Variants in CENPU observed in about 807,000 individuals in gnomAD.
CENPU encodes centromere protein U.
A neutral mutation model predicts 56.7 loss-of-function variants in CENPU; 46 were observed. The ratio of observed to expected loss-of-function variants is 0.81; its 90% confidence interval spans 0.64 to 1.04. The LOEUF (loss-of-function observed/expected upper bound fraction) is 1.04, where lower values mean the gene tolerates loss of function less well. CENPU is among the 50% of genes least tolerant of loss of function. The pLI is 0.00. For missense variants in CENPU, 510 were observed against 490.1 expected, an observed-to-expected ratio of 1.04 and a Z score of -0.38; for synonymous variants, 166 against 163.0, an observed-to-expected ratio of 1.02 and a Z score of -0.14.
chr4:184,733,932 G>C, intron 1 of CENPU, 84 bp downstream of exon 1: 2 of 1,579,084 alleles, frequency 1.3e-6, no homozygotes, highest in Non-Finnish European at 1.7e-6. Context: ...CACCAACAGC[G>C]CCGGGAGGCG....
chr4:184,731,026 AC>A, intron 1 of CENPU, 58 bp from the exon 2 acceptor site: 1 of 1,261,350 alleles, frequency 7.9e-7, no homozygotes, highest in Non-Finnish European at 1.1e-6. Context: ...CTGAGGAAAC[AC>A]CATAGTTATG....
At chr4:184,714,964 CAT>C (rs1246735738) in intron 6 of CENPU, among the ~76,000 whole-genome samples, 6 of 152,142 alleles carry the variant, frequency 3.9e-5, no homozygotes. Context: ...CCTCAACTGA[CAT>C]TTACAGAACA....
intron 8 of CENPU, among the ~76,000 whole-genome samples, chr4:184,708,744 G>T (rs1418440302): frequency 1.3e-5 from 2 of 152,100 alleles, no homozygotes; most frequent in South Asian, 2.1e-4. Flanking sequence ...TAATCAGAAG[G>T]TTTAGAAGTT....
At position 184,714,552 on chromosome 4, in the gene CENPU, T is replaced by C. The variant is rs1056965853; in HGVS notation, c.619-1539A>G. 4.6e-5 allele frequency among the ~76,000 whole-genome samples: 7 copies of C among 152,314 alleles called. No homozygotes were observed. The East Asian group carries it at 1.2e-3, about 25-fold the overall frequency. ...CATGTATGTAGTGGAAGGTAGTTAA[T>C]TGTTAAGTAGAATGTATGAAGTGAT... On this transcript the variant is annotated intron_variant, in intron 6 of 12. Transcript: ENST00000281453.
chr4:184,694,590 A>G lies in CENPU; in HGVS notation c.*698T>C, dbSNP rs778516148. ...ATGAAACCCAGAATCCTCATAAACC[A>G]TCACCTAGCAGGCTGTCAACAGGTG... is the stretch of plus-strand genomic sequence containing the variant. On this transcript the variant is annotated 3_prime_UTR_variant, in exon 13 of 13. Transcript: ENST00000281453. The G allele has an allele frequency of 1.2e-6, 2 of 1,614,168 alleles. No homozygotes were observed. Among genetic ancestry groups the G allele is most frequent in the South Asian group, 2.2e-5 (2 of 91,082 alleles).
At chr4:184,718,475 G>C (rs536479246) in intron 4 of CENPU, among the ~76,000 whole-genome samples, 1 of 152,334 alleles carries the variant, frequency 6.6e-6, no homozygotes, top group African/African-American at 2.4e-5. Context: ...AGGCAAAGGG[G>C]AGCCCTACCA....
At position 184,717,782 on chromosome 4, in the gene CENPU, A is replaced by G. The variant is rs1761141291; in HGVS notation, c.321-586T>C. Among the ~76,000 whole-genome samples the G allele has an allele frequency of 2.0e-5, 3 of 152,176 alleles. No individual in the cohort carries two copies. The South Asian group carries it at 6.2e-4, about 32-fold the overall frequency. On this transcript the variant is annotated intron_variant, in intron 4 of 12. Coordinates refer to ENST00000281453, the MANE Select transcript of CENPU (RefSeq NM_024629.4). ...ATGACCTGGCAAGCATCTGACAGAG[A>G]AGATGATGTGGAGACACAGCTGGGG... is the stretch of plus-strand genomic sequence containing the variant.
At chr4:184,723,987 G>A (rs550743017) in intron 4 of CENPU, among the ~76,000 whole-genome samples, 88 of 151,012 alleles carry the variant, frequency 5.8e-4, no homozygotes, top group Non-Finnish European at 9.9e-4. Flanking sequence ...AGTTTTGGCC[G>A]GGTGCAGTGG....
At chr4:184,711,923 T>C (rs1031966367) in intron 7 of CENPU, among the ~76,000 whole-genome samples, 1 of 151,924 alleles carries the variant, frequency 6.6e-6, no homozygotes, top group Non-Finnish European at 1.5e-5. Flanking sequence ...GAGATTGAGA[T>C]CATCCTGGCC....
intron 10 of CENPU, among the ~76,000 whole-genome samples, chr4:184,701,637 C>T (rs1178152128): frequency 6.6e-6 from 1 of 152,180 alleles, no homozygotes; most frequent in East Asian, 1.9e-4. Context: ...CAGGACTAGA[C>T]ATGAGGTCTC....
chr4:184,728,857 A>G (rs1352517009), intron 3 of CENPU, 61 bp downstream of exon 3: 1 of 1,178,930 alleles, frequency 8.5e-7, no homozygotes, highest in Non-Finnish European at 1.2e-6. Flanking sequence ...ATTTTTTATT[A>G]TATCTGGCCT....
chr4:184,724,344 C>G (rs901747196), intron 4 of CENPU, among the ~76,000 whole-genome samples: 1 of 152,214 alleles, frequency 6.6e-6, no homozygotes, highest in Non-Finnish European at 1.5e-5. Flanking sequence ...GTAACTAGAA[C>G]TGACCTGTTA....
At chr4:184,717,570 A>AG (rs754836807) in intron 4 of CENPU, among the ~76,000 whole-genome samples, 2 of 152,250 alleles carry the variant, frequency 1.3e-5, no homozygotes, top group African/African-American at 2.4e-5. Context: ...TCCTTTAAAG[A>AG]GGAAAAAAAT....
Position 184,695,040 on chromosome 4 carries a change from G to A in CENPU, c.*248C>T, listed in dbSNP as rs537825967. ...TTTATTATAGCTCATACCTGGGACC[G>A]ATTAAGGTGTCAACATTTTAAAATT... On this transcript the variant is annotated 3_prime_UTR_variant, in exon 13 of 13. Transcript: ENST00000281453. 23 of 531,318 alleles carry A rather than the reference G, an allele frequency of 4.3e-5. No individual in the cohort carries two copies. The highest frequency in any genetic ancestry group is 2.3e-4 in the African/African-American group (12 of 52,932). The allele number at this position is 531,318 out of a possible 1,614,324, so 32.9% of individuals were successfully genotyped here.
Position 184,695,024 on chromosome 4 carries a change from G to C in CENPU, c.*264C>G. On this transcript the variant is annotated 3_prime_UTR_variant, in exon 13 of 13. Transcript: ENST00000281453. ...AACTTAATTTTACAAGTTTATTATA[G>C]CTCATACCTGGGACCGATTAAGGTG... 1.9e-6 allele frequency: 1 copy of C among 537,262 alleles called. No homozygotes were observed. Among genetic ancestry groups the C allele is most frequent in the Non-Finnish European group, 3.3e-6 (1 of 303,024 alleles). The allele number at this position is 537,262 out of a possible 1,614,324, so 33.3% of individuals were successfully genotyped here.
chr4:184,710,430 G>T, intron 7 of CENPU: 1 of 326,418 alleles, frequency 3.1e-6, no homozygotes, highest in East Asian at 4.9e-5. Flanking sequence ...AAGCATTGCT[G>T]CCTTTTAATC....
chr4:184,713,051 T>A, intron 6 of CENPU, 38 bp from the exon 7 acceptor site: 1 of 1,333,676 alleles, frequency 7.5e-7, no homozygotes. Context: ...TAAGAAAAGT[T>A]TTCTTTCTCT....
rs1760235614 is a variant in CENPU at position 184,695,344 on chromosome 4, C to T, written c.1201G>A (p.Glu401Lys). The change falls in exon 13 of 13, where the codon GAA becomes AAA. Residue 401 changes from glutamate to lysine, a missense_variant. Physicochemically the swap from Glu to Lys is moderately conservative, Grantham distance 56. Transcript: ENST00000281453. The part of the protein sequence containing the change: ...LFKARTLLGA[E>K]SHLRNINHQL... ...TGGTTGATATTTCGCAGATGGCTTTCGGCTCCCAGAAGTGTTCTTGCTTTA... is the reference window on the plus strand; with the variant it reads ...TGGTTGATATTTCGCAGATGGCTTTTGGCTCCCAGAAGTGTTCTTGCTTTA... 23 of 1,613,508 alleles carry T rather than the reference C, an allele frequency of 1.4e-5. No individual in the cohort carries two copies. Among genetic ancestry groups the T allele is most frequent in the African/African-American group, 4.0e-5 (3 of 75,032 alleles).
chr4:184,732,246 G>GT (rs955100706), intron 1 of CENPU, among the ~76,000 whole-genome samples: 18 of 55,318 alleles, frequency 3.3e-4, no homozygotes, highest in African/African-American at 5.0e-4. Context: ...GTGAATCACA[G>GT]TTAAAAAAAA....
Sources: allele counts gnomAD v4.1 joint callset (sites outside exome capture counted in the v4.1 genomes callset), GRCh38; gene constraint gnomAD v4.1.1; transcripts MANE v1.5; gene names NCBI Gene and HGNC (gene_info 2026-07-23, HGNC 2026-07-21).